PRTFDC1: variants seen among roughly 807,000 people sequenced by gnomAD.
The protein encoded by PRTFDC1 is phosphoribosyl transferase domain containing 1, also known as phosphoribosyltransferase domain-containing protein 1.
In PRTFDC1, 38 loss-of-function variants were observed where a neutral mutation model predicts 34.6. The observed-to-expected ratio is 1.10, with a 90% CI of 0.85 to 1.44. PRTFDC1 has a LOEUF of 1.44. Ranked by LOEUF, PRTFDC1 falls within the 40% of genes most tolerant of loss-of-function variation. The pLI is 0.00. For synonymous variants in PRTFDC1, 93 were observed against 98.1 expected, an observed-to-expected ratio of 0.95 and a Z score of 0.31; for missense variants, 270 against 283.0, an observed-to-expected ratio of 0.95 and a Z score of 0.33.
intron 3 of PRTFDC1, among the ~76,000 whole-genome samples, chr10:24,928,383 AG>A (rs1848912897): frequency 6.6e-6 from 1 of 152,106 alleles, no homozygotes; most frequent in African/African-American, 2.4e-5. Flanking sequence ...CTTCACCCAA[AG>A]CCCAAGGTGA....
intron 3 of PRTFDC1, among the ~76,000 whole-genome samples, chr10:24,923,969 G>A (rs1848832655): frequency 6.6e-6 from 1 of 152,138 alleles, no homozygotes; most frequent in African/African-American, 2.4e-5. Flanking sequence ...TGACCTGATG[G>A]AGCTGAAAAC....
At chr10:24,894,843 C>T (rs949160563) in intron 3 of PRTFDC1, among the ~76,000 whole-genome samples, 1 of 152,122 alleles carries the variant, frequency 6.6e-6, no homozygotes, top group African/African-American at 2.4e-5. Flanking sequence ...GCAAATGAAC[C>T]CTTTTGAGCC....
rs78063819 is a variant in PRTFDC1, at chr10:24,932,217, A to G, written c.339+4967T>C. On this transcript the variant is annotated intron_variant, in intron 3 of 8. Transcript: ENST00000320152. The stretch of plus-strand genomic sequence containing the variant: ...GATAAAGAACATCTTCAAAAAACCA[A>G]CAGTCAGTATTATACTGACTGAAAA... Among the ~76,000 whole-genome samples the G allele has an allele frequency of 3.8e-3, 578 of 152,054 alleles. 22 individuals carry two copies. In the East Asian group the frequency reaches 0.087, roughly 23 times the overall value.
intron 3 of PRTFDC1, among the ~76,000 whole-genome samples, chr10:24,922,444 C>A (rs1411371962): frequency 6.6e-6 from 1 of 152,140 alleles, no homozygotes; most frequent in Non-Finnish European, 1.5e-5. Flanking sequence ...TGGGAGGGAC[C>A]CTGTGGGAAG....
At chr10:24,854,331 T>C (rs757898326) in intron 7 of PRTFDC1, among the ~76,000 whole-genome samples, 3 of 152,180 alleles carry the variant, frequency 2.0e-5, no homozygotes, top group African/African-American at 4.8e-5. Context: ...GAACATGCGA[T>C]TGGGTCTCTC....
At chr10:24,854,733 C>A (rs1847543776) in intron 7 of PRTFDC1, among the ~76,000 whole-genome samples, 1 of 152,176 alleles carries the variant, frequency 6.6e-6, no homozygotes, top group African/African-American at 2.4e-5. Context: ...AAGATGGTAT[C>A]TAGAGATACC....
At chr10:24,925,350 A>ATTAG (rs1848853733) in intron 3 of PRTFDC1, among the ~76,000 whole-genome samples, 1 of 152,168 alleles carries the variant, frequency 6.6e-6, no homozygotes, top group Non-Finnish European at 1.5e-5. Flanking sequence ...GAGGGATAGC[A>ATTAG]TTAGGAGAAA....
At chr10:24,856,400 A>C (rs1192090175) in intron 6 of PRTFDC1, among the ~76,000 whole-genome samples, 2 of 152,150 alleles carry the variant, frequency 1.3e-5, no homozygotes, top group Non-Finnish European at 2.9e-5. Flanking sequence ...CAGCCTGGCC[A>C]ACATGGTGAA....
At chr10:24,921,096 A>AAAAAAAC (rs972510893) in intron 3 of PRTFDC1, among the ~76,000 whole-genome samples, 2 of 152,172 alleles carry the variant, frequency 1.3e-5, no homozygotes, top group African/African-American at 4.8e-5. Flanking sequence ...AAGTGATTAA[A>AAAAAAAC]AAAAAAACAA....
intron 2 of PRTFDC1, among the ~76,000 whole-genome samples, chr10:24,941,130 T>C (rs113633646): frequency 6.9e-4 from 105 of 152,156 alleles, no homozygotes; most frequent in African/African-American, 2.4e-3. Context: ...CATGGCTCAC[T>C]GCAGCCTTGA....
intron 3 of PRTFDC1, among the ~76,000 whole-genome samples, chr10:24,890,460 C>A (rs1029332507): frequency 6.6e-6 from 1 of 152,210 alleles, no homozygotes; most frequent in Non-Finnish European, 1.5e-5. Flanking sequence ...GAACAAGGCA[C>A]GTGGGTTGTC....
intron 3 of PRTFDC1, among the ~76,000 whole-genome samples, chr10:24,918,364 T>C (rs1263114065): frequency 2.6e-5 from 4 of 152,218 alleles, no homozygotes; most frequent in Admixed American, 2.6e-4. Flanking sequence ...TATATCCATG[T>C]CATTTTAGTG....
chr10:24,853,319 GA>G (rs966048303), intron 7 of PRTFDC1, among the ~76,000 whole-genome samples: 108 of 145,194 alleles, frequency 7.4e-4, no homozygotes, highest in Non-Finnish European at 1.2e-3. Context: ...ATCTCAAAAA[GA>G]AAAAAAAAAG....
At chr10:24,875,628 T>C (rs1565262558) in intron 3 of PRTFDC1, among the ~76,000 whole-genome samples, 1 of 152,194 alleles carries the variant, frequency 6.6e-6, no homozygotes, top group African/African-American at 2.4e-5. Flanking sequence ...AGTGGGTATA[T>C]TGTCAATTGT....
chr10:24,901,919 C>G (rs573050294), intron 3 of PRTFDC1, among the ~76,000 whole-genome samples: 2 of 152,212 alleles, frequency 1.3e-5, no homozygotes, highest in African/African-American at 4.8e-5. Context: ...TCTAAATGCA[C>G]GGTGACTGCC....
At chr10:24,850,443 A>T (rs1847465327) in intron 8 of PRTFDC1, among the ~76,000 whole-genome samples, 1 of 152,080 alleles carries the variant, frequency 6.6e-6, no homozygotes, top group Non-Finnish European at 1.5e-5. Flanking sequence ...ACCAGCCTGG[A>T]CAGCATACGA....
At chr10:24,923,503 C>A (rs1403964583) in intron 3 of PRTFDC1, among the ~76,000 whole-genome samples, 3 of 152,214 alleles carry the variant, frequency 2.0e-5, no homozygotes, top group Admixed American at 6.5e-5. Context: ...TGGTGATACC[C>A]AGGTAAACGG....
chr10:24,871,939 T>G, intron 4 of PRTFDC1, 59 bp downstream of exon 4: 1 of 1,451,686 alleles, frequency 6.9e-7, no homozygotes, highest in Non-Finnish European at 9.6e-7. Context: ...TGACCTGAAA[T>G]GCAGGTCACC....
At chr10:24,938,013 G>A (rs1053091755) in intron 2 of PRTFDC1, among the ~76,000 whole-genome samples, 4 of 151,806 alleles carry the variant, frequency 2.6e-5, no homozygotes, top group Non-Finnish European at 5.9e-5. Context: ...ATCACTTAAG[G>A]TCAGGAGTTT....
Sources: gnomAD v4.1 joint callset for allele counts (sites outside exome capture counted in the v4.1 genomes callset) on GRCh38, gnomAD v4.1.1 for gene constraint, MANE v1.5 for transcripts, NCBI Gene and HGNC (gene_info 2026-07-23, HGNC 2026-07-21) for gene names.